SLC25A24: variants seen among roughly 807,000 people sequenced by gnomAD.
SLC25A24 encodes solute carrier family 25 member 24.
SLC25A24 carries 49 observed loss-of-function variants against 60.7 expected under a neutral mutation model. That is an observed-to-expected ratio of 0.81 (90% confidence interval 0.64 to 1.02). SLC25A24 has a LOEUF of 1.02. Ranked by LOEUF, SLC25A24 falls within the 50% of genes least tolerant of loss-of-function variation. SLC25A24 has a pLI of 0.00. For missense variants in SLC25A24, 564 were observed against 586.3 expected (o/e 0.96, Z 0.39); for synonymous variants, 202 against 200.6 (o/e 1.01, Z -0.06).
chr1:108,167,512 C>A (rs185435946), intron 3 of SLC25A24, among the ~76,000 whole-genome samples: 9 of 152,142 alleles, frequency 5.9e-5, no homozygotes, highest in Admixed American at 5.9e-4. Flanking sequence ...TTTTTAAGCC[C>A]GTCAGAAAAG....
At chr1:108,151,758 A>G (rs1679764489) in intron 6 of SLC25A24, among the ~76,000 whole-genome samples, 1 of 152,222 alleles carries the variant, frequency 6.6e-6, no homozygotes, top group South Asian at 2.1e-4. Flanking sequence ...CCAATTGCTT[A>G]CTGGACAGCT....
Position 108,134,644 on chromosome 1 carries a change from T to C in SLC25A24, c.*2009A>G, listed in dbSNP as rs188231228. ...AAGGGCTGCTCAGGAAAGGCCAAAA[T>C]GTTTGGAAAGACTACATGGAGCCAG... On this transcript the variant is annotated 3_prime_UTR_variant, in exon 10 of 10. Transcript: ENST00000565488. The C allele has an allele frequency of 1.3e-5, 2 of 152,260 alleles. No individual in the cohort carries two copies. The highest frequency in any genetic ancestry group is 4.8e-5 in the African/African-American group (2 of 41,552). 9.4% of individuals were successfully genotyped at this position (152,260 alleles called of 1,614,324 possible).
chr1:108,177,057 T>C (rs1453494275), intron 3 of SLC25A24, among the ~76,000 whole-genome samples: 2 of 152,110 alleles, frequency 1.3e-5, no homozygotes. Context: ...GCTACAATAA[T>C]TTAAGGGATA....
chr1:108,158,083 T>C (rs184264119), intron 4 of SLC25A24, among the ~76,000 whole-genome samples: 436 of 152,326 alleles, frequency 2.9e-3, no homozygotes, highest in African/African-American at 9.9e-3. Context: ...TATACCATGA[T>C]ATGTTTTAAA....
At chr1:108,144,571 T>C (rs1039449935) in intron 7 of SLC25A24, among the ~76,000 whole-genome samples, 4 of 152,102 alleles carry the variant, frequency 2.6e-5, no homozygotes, top group African/African-American at 7.2e-5. Flanking sequence ...CTAATGCTAT[T>C]CCTCCCCTAG....
Position 108,143,653 on chromosome 1 carries a change from A to T in SLC25A24, c.988T>A (p.Cys330Ser), listed in dbSNP as rs972649905. The T allele has an allele frequency of 5.0e-6, 8 of 1,613,782 alleles. No individual in the cohort carries two copies. The highest frequency in any genetic ancestry group is 6.8e-6 in the Non-Finnish European group (8 of 1,179,846). Residue 330 changes from cysteine to serine, a missense_variant, in exon 8 of 10, where the codon TGT becomes AGT. Coordinates refer to ENST00000565488, the MANE Select transcript of SLC25A24 (RefSeq NM_013386.5). ...TCATGTTTCAAAATCTTCTTGGCAC[A>T]ATCATATATTCCAGAGTACTGCCCA... is the stretch of plus-strand genomic sequence containing the variant. ...KTGQYSGIYD[C>S]AKKILKHEGL...
chr1:108,181,998 G>A lies in SLC25A24; in HGVS notation c.341C>T (p.Ser114Phe), dbSNP rs570396625. The change falls in exon 3 of 10, where the codon TCT (serine) becomes TTT (phenylalanine). Residue 114 changes from serine (S) to phenylalanine (F), a missense_variant. Transcript: ENST00000565488. Reference sequence around the variant, plus strand: ...AATAGTCAGACCCAGTGTCTGGAGAGACTGGACAATTTCTGAAGCCTCAAT... The same window carrying A: ...AATAGTCAGACCCAGTGTCTGGAGAAACTGGACAATTTCTGAAGCCTCAAT... ...GKIEASEIVQ[S>F]LQTLGLTISE... 6 of 1,611,860 alleles carry A rather than the reference G, an allele frequency of 3.7e-6. No individual in the cohort carries two copies. The African/African-American group carries it at 8.0e-5, about 22-fold the overall frequency.
In SLC25A24 at chr1:108,192,025, C is replaced by T. The variant is rs1344236670; in HGVS notation, c.184-6071G>A. Among the ~76,000 whole-genome samples, 19 of 138,324 alleles carry T rather than the reference C, an allele frequency of 1.4e-4. 4 individuals carry two copies. The highest frequency in any genetic ancestry group is 1.2e-3 in the Admixed American group (15 of 12,198). The allele number at this position is 138,324 out of a possible 152,430, so 90.7% of individuals were successfully genotyped here. On this transcript the variant is annotated intron_variant, in intron 1 of 9. Transcript: ENST00000565488. ...TGAGGAAACCTCAGCACTAGTGAAA[C>T]CCGAGAGTAAAAGCCACTTCCACTG... is the stretch of plus-strand genomic sequence containing the variant.
intron 1 of SLC25A24, among the ~76,000 whole-genome samples, chr1:108,187,927 G>GATAGATAGAGATATATATATATATATAT: frequency 1.0e-5 from 1 of 95,748 alleles, no homozygotes; most frequent in East Asian, 3.6e-4. Context: ...AGACATTATA[G>GATAGATAGAGATATATATATATATATAT]ATATATATAT....
intron 3 of SLC25A24, among the ~76,000 whole-genome samples, chr1:108,177,791 T>C (rs1010840573): frequency 5.3e-5 from 8 of 152,232 alleles, no homozygotes; most frequent in African/African-American, 1.9e-4. Context: ...ATATTTTATA[T>C]TGCATATCCC....
chr1:108,159,799 C>T (rs1408398143), intron 4 of SLC25A24, among the ~76,000 whole-genome samples: 1 of 151,482 alleles, frequency 6.6e-6, no homozygotes, highest in Admixed American at 6.6e-5. Flanking sequence ...CATAGATCAA[C>T]AGGATCCCAA....
chr1:108,199,788 C>G lies in SLC25A24; in HGVS notation c.183+168G>C, dbSNP rs1463819743. 1.2e-5 allele frequency: 7 copies of G among 604,440 alleles called. No homozygotes were observed. In the South Asian group the frequency reaches 1.4e-4, roughly 12 times the overall value. The allele number at this position is 604,440 out of a possible 1,614,324, so 37.4% of individuals were successfully genotyped here. A position where few individuals can be genotyped will look rare whatever the true frequency, so the allele number is the denominator to read the frequency against. ...GACCCACTTCTGTTACCGGGGTCGC[C>G]GGTCGCGGCCCCACGCCCGAGTTTC... On this transcript the variant is annotated intron_variant, in intron 1 of 9. Transcript: ENST00000565488.
In SLC25A24 at chr1:108,135,361, CAG is replaced by C. The variant is rs1485124412; in HGVS notation, c.*1290_*1291del. 6.6e-6 allele frequency: 1 copy of C among 152,418 alleles called. No homozygotes were observed. The highest frequency in any genetic ancestry group is 1.9e-4 in the East Asian group (1 of 5,196). 9.4% of individuals were successfully genotyped at this position (152,418 alleles called of 1,614,324 possible). On this transcript the variant is annotated 3_prime_UTR_variant, in exon 10 of 10. Coordinates refer to ENST00000565488, the MANE Select transcript of SLC25A24 (RefSeq NM_013386.5). ...TCATTAAAATGCTGGAAATTTATAA[CAG>C]AAATTATTAGAAGTGAAATGAGTTT...
At chr1:108,167,777 A>G (rs934278607) in intron 3 of SLC25A24, among the ~76,000 whole-genome samples, 19 of 152,330 alleles carry the variant, frequency 1.2e-4, no homozygotes, top group African/African-American at 4.6e-4. Context: ...TGGGAGCTGT[A>G]GACCAGAGCT....
At chr1:108,168,070 A>G (rs1274232013) in intron 3 of SLC25A24, among the ~76,000 whole-genome samples, 1 of 152,238 alleles carries the variant, frequency 6.6e-6, no homozygotes, top group East Asian at 1.9e-4. Flanking sequence ...CTCTAAAAAA[A>G]GCTTTGGTGC....
chr1:108,148,656 A>G (rs1679675321), intron 6 of SLC25A24, among the ~76,000 whole-genome samples: 1 of 152,180 alleles, frequency 6.6e-6, no homozygotes, highest in Non-Finnish European at 1.5e-5. Flanking sequence ...CCAGCTGTCT[A>G]CAAGCTGAGA....
At chr1:108,155,518 ATAT>A (rs1356210684) in intron 5 of SLC25A24, among the ~76,000 whole-genome samples, 2 of 151,626 alleles carry the variant, frequency 1.3e-5, no homozygotes, top group African/African-American at 4.8e-5. Context: ...GCAGATAATA[ATAT>A]TATATTATTA....
rs537420502 is a variant in SLC25A24, at chr1:108,139,131, A to G, written c.1176T>C (p.Gly392=). 12 of 1,611,500 alleles carry G rather than the reference A, an allele frequency of 7.4e-6. No homozygotes were observed. The highest frequency in any genetic ancestry group is 1.7e-4 in the Middle Eastern group (1 of 6,056). ...NPGVMVLLGC[G]ALSSTCGQLA... ...GCTGACCACAGGTGCTGGATAAGGC[A>G]CCGCATCCCAGCAACACCATGACTC... The change falls in exon 9 of 10, where the codon GGT becomes GGC. Residue 392 remains glycine, a synonymous_variant. Coordinates refer to ENST00000565488, the MANE Select transcript of SLC25A24 (RefSeq NM_013386.5).
At chr1:108,139,300 C>G in intron 8 of SLC25A24, 92 bp from the exon 9 acceptor site, 2 of 1,314,274 alleles carry the variant, frequency 1.5e-6, no homozygotes, top group African/African-American at 3.0e-5. Context: ...TGAGAAGCCC[C>G]GTTTCTGCAG....
Sources: allele counts gnomAD v4.1 joint callset (sites outside exome capture counted in the v4.1 genomes callset), GRCh38; gene constraint gnomAD v4.1.1; transcripts MANE v1.5; gene names NCBI Gene and HGNC (gene_info 2026-07-23, HGNC 2026-07-21).